The following SUGCT variants were observed in gnomAD, a reference collection of about 807,000 sequenced individuals.
SUGCT encodes the protein succinyl-CoA:glutarate CoA-transferase.
SUGCT carries 41 observed loss-of-function variants against 55.0 expected under a neutral mutation model. That is an observed-to-expected ratio of 0.74 (90% confidence interval 0.58 to 0.97). SUGCT has a LOEUF of 0.97. Among genes scored for constraint, SUGCT ranks in the 50% least tolerant of loss-of-function variants. The pLI, the probability that SUGCT is intolerant of heterozygous loss-of-function variation, is 0.00. For synonymous variants in SUGCT, 187 were observed against 200.4 expected (o/e 0.93, Z 0.56); for missense variants, 568 against 547.8 (o/e 1.04, Z -0.37).
intron 12 of SUGCT, among the ~76,000 whole-genome samples, chr7:40,666,760 AGGCTTACTTG>A (rs768385640): frequency 7.9e-5 from 12 of 152,166 alleles, no homozygotes; most frequent in Non-Finnish European, 1.6e-4. Flanking sequence ...TCAAAGTCAT[AGGCTTACTTG>A]ACGGGTACAA....
chr7:40,410,801 G>T (rs1288032001), intron 9 of SUGCT, among the ~76,000 whole-genome samples: 1 of 152,090 alleles, frequency 6.6e-6, no homozygotes, highest in East Asian at 1.9e-4. Flanking sequence ...TTTCCCCATT[G>T]AAAAGCTGTA....
intron 13 of SUGCT, among the ~76,000 whole-genome samples, chr7:40,830,365 G>A (rs991306992): frequency 2.6e-5 from 4 of 151,750 alleles, no homozygotes; most frequent in Admixed American, 2.0e-4. Context: ...GCCCTCCCCT[G>A]TCCATGCCCC....
chr7:40,621,734 A>T (rs1051490237), intron 12 of SUGCT, among the ~76,000 whole-genome samples: 5 of 152,204 alleles, frequency 3.3e-5, no homozygotes, highest in African/African-American at 1.2e-4. Flanking sequence ...TTCTGGCTTA[A>T]TGCAGACCAT....
intron 12 of SUGCT, among the ~76,000 whole-genome samples, chr7:40,711,687 G>A (rs926079096): frequency 2.0e-5 from 3 of 152,124 alleles, no homozygotes; most frequent in Non-Finnish European, 4.4e-5. Context: ...CGCAGAGTTC[G>A]CTGCTCCCTA....
At chr7:40,485,591 A>C (rs1791293424) in intron 11 of SUGCT, among the ~76,000 whole-genome samples, 1 of 151,508 alleles carries the variant, frequency 6.6e-6, no homozygotes. Context: ...ATGCCTAGCT[A>C]ATTTTTGTAT....
At chr7:40,495,988 A>ATAT (rs745831107) in intron 11 of SUGCT, among the ~76,000 whole-genome samples, 3 of 152,304 alleles carry the variant, frequency 2.0e-5, no homozygotes, top group Non-Finnish European at 2.9e-5. Flanking sequence ...AAGTACAATG[A>ATAT]TATTATTATT....
At chr7:40,169,627 T>A (rs1168013474) in intron 1 of SUGCT, among the ~76,000 whole-genome samples, 2 of 152,168 alleles carry the variant, frequency 1.3e-5, no homozygotes, top group Non-Finnish European at 2.9e-5. Flanking sequence ...TTTTAAAATG[T>A]CCTTGTGGAC....
At chr7:40,545,038 A>G (rs1169398753) in intron 12 of SUGCT, among the ~76,000 whole-genome samples, 1 of 152,226 alleles carries the variant, frequency 6.6e-6, no homozygotes, top group Non-Finnish European at 1.5e-5. Flanking sequence ...CATAGAATGT[A>G]TTCCCAACTG....
chr7:40,494,807 C>T (rs1476443136), intron 11 of SUGCT, among the ~76,000 whole-genome samples: 1 of 152,120 alleles, frequency 6.6e-6, no homozygotes, highest in Admixed American at 6.5e-5. Context: ...TATTTTGGAA[C>T]ATACATTTAT....
At chr7:40,986,097 G>C in the SUGCT span, among the ~76,000 whole-genome samples, 1,298 of 152,250 alleles carry the variant, frequency 8.5e-3, 19 homozygotes, top group African/African-American at 0.028. Context: ...TTGTCCTCTA[G>C]CCCATAAAAT....
chr7:40,912,328 G>A, the SUGCT span, among the ~76,000 whole-genome samples: 1 of 152,076 alleles, frequency 6.6e-6, no homozygotes, highest in South Asian at 2.1e-4. Context: ...AGAGGTTTAT[G>A]GTTGTTGTAT....
intron 1 of SUGCT, among the ~76,000 whole-genome samples, chr7:40,154,543 A>G (rs977901718): frequency 6.6e-6 from 1 of 152,044 alleles, no homozygotes; most frequent in African/African-American, 2.4e-5. Flanking sequence ...GGGTCTCACC[A>G]TGTTGCCCAG....
At chr7:40,564,083 C>G (rs893390348) in intron 12 of SUGCT, among the ~76,000 whole-genome samples, 6 of 152,138 alleles carry the variant, frequency 3.9e-5, no homozygotes, top group Admixed American at 3.3e-4. Flanking sequence ...TAAAAATATG[C>G]AACGTCTTGG....
chr7:40,325,898 C>CTTTTTTTTTTTTTT (rs71560191), intron 9 of SUGCT, among the ~76,000 whole-genome samples: 3 of 122,178 alleles, frequency 2.5e-5, no homozygotes, highest in Non-Finnish European at 1.7e-5. Flanking sequence ...GGATGTGCGT[C>CTTTTTTTTTTTTTT]TTTTTTTTTT....
chr7:40,143,942 C>T (rs1039803065), intron 1 of SUGCT, among the ~76,000 whole-genome samples: 24 of 152,320 alleles, frequency 1.6e-4, no homozygotes, highest in Non-Finnish European at 2.4e-4. Flanking sequence ...GTTTAGCTGA[C>T]CCCCAGTTGG....
intron 13 of SUGCT, among the ~76,000 whole-genome samples, chr7:40,835,267 C>T (rs560366797): frequency 1.3e-5 from 2 of 152,138 alleles, no homozygotes; most frequent in East Asian, 3.9e-4. Flanking sequence ...GGTCTTTTGT[C>T]TCTTTGAGAT....
At chr7:40,897,615 T>C in the SUGCT span, among the ~76,000 whole-genome samples, 4 of 152,072 alleles carry the variant, frequency 2.6e-5, no homozygotes, top group African/African-American at 9.7e-5. Context: ...AGAGATCCCA[T>C]TGTGTGGCCG....
At chr7:40,312,174 G>A (rs1054079359) in intron 8 of SUGCT, among the ~76,000 whole-genome samples, 2 of 151,906 alleles carry the variant, frequency 1.3e-5, no homozygotes, top group Non-Finnish European at 2.9e-5. Context: ...CGAGTAGCTG[G>A]GATTGCAGGC....
chr7:40,918,137 C>T, the SUGCT span, among the ~76,000 whole-genome samples: 1 of 151,850 alleles, frequency 6.6e-6, no homozygotes, highest in Admixed American at 6.6e-5. Flanking sequence ...TCTTCATCTC[C>T]TCATACCCCC....
Sources: gnomAD v4.1 joint callset for allele counts (sites outside exome capture counted in the v4.1 genomes callset) on GRCh38, gnomAD v4.1.1 for gene constraint, MANE v1.5 for transcripts, NCBI Gene and HGNC (gene_info 2026-07-23, HGNC 2026-07-21) for gene names.